The following BCL2 variants were observed in gnomAD, a reference collection of about 807,000 sequenced individuals.
BCL2 encodes the protein apoptosis regulator Bcl-2.
Under a neutral mutation model 14.2 loss-of-function variants are expected in BCL2, and 1 was observed. That is an observed-to-expected ratio of 0.07 (90% CI 0.02 to 0.33). The LOEUF (loss-of-function observed/expected upper bound fraction) is 0.33. BCL2 is among the 10% of genes least tolerant of loss of function. The probability of loss-of-function intolerance (pLI) is 0.99; values close to 1 mark genes in which losing one functional copy is unlikely to be tolerated. For synonymous variants in BCL2, 151 were observed against 137.2 expected (o/e 1.10, Z -0.70); for missense variants, 247 against 305.9 (o/e 0.81, Z 1.44).
chr18:63,251,696 GT>G (rs796601402), intron 2 of BCL2, among the ~76,000 whole-genome samples: 2 of 146,660 alleles, frequency 1.4e-5, no homozygotes, highest in African/African-American at 5.1e-5. Flanking sequence ...ACTAAGGAAG[GT>G]TTTTTTTTCT....
intron 2 of BCL2, chr18:63,317,399 G>T: frequency 3.3e-6 from 1 of 300,322 alleles, no homozygotes; most frequent in Non-Finnish European, 4.9e-6. Flanking sequence ...GCCATAGCCT[G>T]ATACTCCTCA....
At chr18:63,208,408 G>T (rs1453034986) in intron 2 of BCL2, among the ~76,000 whole-genome samples, 3 of 149,078 alleles carry the variant, frequency 2.0e-5, no homozygotes, top group Non-Finnish European at 3.0e-5. Context: ...TCATTTCCCT[G>T]GCTGTTACCA....
chr18:63,222,711 A>T (rs1301074470), intron 2 of BCL2, among the ~76,000 whole-genome samples: 1 of 152,224 alleles, frequency 6.6e-6, no homozygotes, highest in Non-Finnish European at 1.5e-5. Context: ...AAAAATGGAG[A>T]ATTGAACACA....
At chr18:63,188,279 G>A (rs1915639728) in intron 2 of BCL2, among the ~76,000 whole-genome samples, 1 of 152,222 alleles carries the variant, frequency 6.6e-6, no homozygotes, top group South Asian at 2.1e-4. Context: ...CTGAGTTTCA[G>A]TGCTAGCTCT....
intron 2 of BCL2, among the ~76,000 whole-genome samples, chr18:63,214,327 A>C (rs1910138810): frequency 6.6e-6 from 1 of 152,236 alleles, no homozygotes; most frequent in African/African-American, 2.4e-5. Flanking sequence ...GAGGTGAGAC[A>C]AACGTCCGGT....
In BCL2 at chr18:63,218,720, TCCTCCC is replaced by T. The variant is rs1388494161; in HGVS notation, c.586-89967_586-89962del. Among the ~76,000 whole-genome samples the T allele has an allele frequency of 3.8e-4, 21 of 55,264 alleles. 1 individual carries two copies. The highest frequency in any genetic ancestry group is 1.2e-3 in the South Asian group (2 of 1,676). The allele number at this position is 55,264 out of a possible 152,430, so 36.3% of individuals were successfully genotyped here. On this transcript the variant is annotated intron_variant, in intron 2 of 2. Coordinates refer to ENST00000333681, the MANE Select transcript of BCL2 (RefSeq NM_000633.3). ...TTCTCCACTCATCCCCATCCTCCACTCCTCCCCATCCTCCACTCATCTCCATCCTCC... is the reference window on the plus strand; with the variant it reads ...TTCTCCACTCATCCCCATCCTCCACTCATCCTCCACTCATCTCCATCCTCC...
At chr18:63,275,995 G>T (rs1912140337) in intron 2 of BCL2, among the ~76,000 whole-genome samples, 1 of 152,256 alleles carries the variant, frequency 6.6e-6, no homozygotes, top group African/African-American at 2.4e-5. Flanking sequence ...TGCTTCAGGT[G>T]ACAGCCAACA....
At chr18:63,235,645 C>T (rs924016186) in intron 2 of BCL2, among the ~76,000 whole-genome samples, 2 of 150,818 alleles carry the variant, frequency 1.3e-5, no homozygotes, top group African/African-American at 4.9e-5. Context: ...ATGACTGTGA[C>T]GTTCAGGGAA....
At chr18:63,286,145 C>T (rs369860771) in intron 2 of BCL2, among the ~76,000 whole-genome samples, 12 of 152,332 alleles carry the variant, frequency 7.9e-5, no homozygotes, top group East Asian at 5.8e-4. Flanking sequence ...AGAGTAAAAC[C>T]TGCCCCATAG....
At chr18:63,157,105 C>G (rs1487026239) in intron 2 of BCL2, among the ~76,000 whole-genome samples, 8 of 152,104 alleles carry the variant, frequency 5.3e-5, no homozygotes, top group African/African-American at 1.9e-4. Flanking sequence ...TTTTGTTTTC[C>G]CGAGGAATTA....
intron 2 of BCL2, among the ~76,000 whole-genome samples, chr18:63,195,878 G>A (rs1410696483): frequency 6.6e-6 from 1 of 152,186 alleles, no homozygotes; most frequent in Non-Finnish European, 1.5e-5. Flanking sequence ...TCCTTTGTCA[G>A]ACGACGTGTC....
At chr18:63,294,594 C>T (rs1462302134) in intron 2 of BCL2, among the ~76,000 whole-genome samples, 4 of 151,644 alleles carry the variant, frequency 2.6e-5, no homozygotes, top group East Asian at 3.9e-4. Flanking sequence ...CACTTGAACC[C>T]GGGAGGCTGA....
intron 2 of BCL2, among the ~76,000 whole-genome samples, chr18:63,256,734 G>A (rs536015093): frequency 8.5e-5 from 13 of 152,246 alleles, no homozygotes; most frequent in South Asian, 4.1e-4. Context: ...ACAAAATAGG[G>A]CGATCCAACT....
At chr18:63,233,198 C>T (rs1285791969) in intron 2 of BCL2, among the ~76,000 whole-genome samples, 2 of 152,114 alleles carry the variant, frequency 1.3e-5, no homozygotes, top group African/African-American at 4.8e-5. Flanking sequence ...CTAATAGCAT[C>T]GTATTTGGGA....
At chr18:63,310,258 G>A (rs1913267659) in intron 2 of BCL2, among the ~76,000 whole-genome samples, 1 of 152,178 alleles carries the variant, frequency 6.6e-6, no homozygotes, top group Non-Finnish European at 1.5e-5. Flanking sequence ...AACTTAGTAT[G>A]CAGTGGTAAG....
intron 2 of BCL2, among the ~76,000 whole-genome samples, chr18:63,251,478 C>T (rs1343500563): frequency 6.6e-6 from 1 of 151,528 alleles, no homozygotes; most frequent in East Asian, 2.0e-4. Flanking sequence ...CCCGTCTCTA[C>T]TAAAAAATAC....
chr18:63,282,694 C>T (rs1912350923), intron 2 of BCL2, among the ~76,000 whole-genome samples: 1 of 152,076 alleles, frequency 6.6e-6, no homozygotes, highest in Non-Finnish European at 1.5e-5. Context: ...GTGAAAGGCA[C>T]TGAATCTTTG....
chr18:63,133,415 C>T (rs1257759606), intron 2 of BCL2, among the ~76,000 whole-genome samples: 2 of 149,390 alleles, frequency 1.3e-5, no homozygotes, highest in South Asian at 2.1e-4. Context: ...CTCAGCCTCC[C>T]GTGTAACTGG....
Position 63,165,645 on chromosome 18 carries a change from G to A in BCL2, c.586-36886C>T, listed in dbSNP as rs115876215. Among the ~76,000 whole-genome samples the A allele has an allele frequency of 3.1e-3, 473 of 152,320 alleles. 4 individuals are homozygous for A. The highest frequency in any genetic ancestry group is 0.011 in the African/African-American group (457 of 41,568). ...AGCCGTGGAGAAACTGACTCCTTGG[G>A]GGTGAAGGCCTCGGGCCTAGGTGTT... On this transcript the variant is annotated intron_variant, in intron 2 of 2. Transcript: ENST00000333681.
Sources: gnomAD v4.1 joint callset for allele counts (sites outside exome capture counted in the v4.1 genomes callset) on GRCh38, gnomAD v4.1.1 for gene constraint, MANE v1.5 for transcripts, NCBI Gene and HGNC (gene_info 2026-07-23, HGNC 2026-07-21) for gene names.